The following FAM151B variants were observed in gnomAD, a reference collection of about 807,000 sequenced individuals.
FAM151B encodes family with sequence similarity 151 member B.
Under a neutral mutation model 31.2 loss-of-function variants are expected in FAM151B, and 24 were observed. That is an observed-to-expected ratio of 0.77 (90% confidence interval 0.56 to 1.08). The LOEUF is 1.08. Among genes scored for constraint, FAM151B ranks in the 50% least tolerant of loss-of-function variants. The pLI is 0.00. For missense variants in FAM151B, 293 were observed against 328.6 expected (o/e 0.89, Z 0.84); for synonymous variants, 105 against 111.4 (o/e 0.94, Z 0.36).
intron 5 of FAM151B, among the ~76,000 whole-genome samples, chr5:80,523,493 G>A (rs537184507): frequency 6.6e-5 from 10 of 152,186 alleles, no homozygotes; most frequent in East Asian, 1.9e-4. Flanking sequence ...ACTAATAGAC[G>A]TTCACATAAG....
At chr5:80,538,448 C>CTTTCTCTCTCTCTCTTTCTT (rs1235874356) in intron 5 of FAM151B, among the ~76,000 whole-genome samples, 1 of 49,362 alleles carries the variant, frequency 2.0e-5, no homozygotes, top group Non-Finnish European at 3.7e-5. Context: ...TTCTTTCTTT[C>CTTTCTCTCTCTCTCTTTCTT]TCTTTCTTTC....
Position 80,541,915 on chromosome 5 carries a change from T to G in FAM151B, c.*83T>G. ...TCTGAATTAATTACCATATAAATTA[T>G]GGTTATTGATTGACGTTCCAAGTCA... On this transcript the variant is annotated 3_prime_UTR_variant, in exon 6 of 6. Coordinates refer to ENST00000282226, the MANE Select transcript of FAM151B (RefSeq NM_205548.3). 7.1e-7 allele frequency: 1 copy of G among 1,402,144 alleles called. No individual in the cohort carries two copies. The highest frequency in any genetic ancestry group is 2.4e-5 in the East Asian group (1 of 41,088). 86.9% of individuals were successfully genotyped at this position (1,402,144 alleles called of 1,614,324 possible). A position where few individuals can be genotyped will look rare whatever the true frequency, so the allele number is the denominator to read the frequency against.
chr5:80,525,419 A>G (rs1173122268), intron 5 of FAM151B, among the ~76,000 whole-genome samples: 1 of 152,138 alleles, frequency 6.6e-6, no homozygotes, highest in African/African-American at 2.4e-5. Context: ...CTGCAGTAAC[A>G]CCCTTGAACC....
chr5:80,540,231 T>C (rs1371213096), intron 5 of FAM151B, among the ~76,000 whole-genome samples: 1 of 152,234 alleles, frequency 6.6e-6, no homozygotes, highest in African/African-American at 2.4e-5. Flanking sequence ...ATAGTTCCTG[T>C]TTCCTTCTCT....
chr5:80,538,357 G>A (rs986112431), intron 5 of FAM151B, among the ~76,000 whole-genome samples: 8 of 149,866 alleles, frequency 5.3e-5, no homozygotes, highest in Non-Finnish European at 7.4e-5. Flanking sequence ...ATGAGCCACC[G>A]CACCCAGCCT....
At chr5:80,490,451 A>G (rs1185228023) in intron 1 of FAM151B, among the ~76,000 whole-genome samples, 1 of 152,236 alleles carries the variant, frequency 6.6e-6, no homozygotes, top group African/African-American at 2.4e-5. Flanking sequence ...TTATTTAAAG[A>G]GTATAATTCA....
At chr5:80,511,597 A>G (rs1347992405) in intron 2 of FAM151B, among the ~76,000 whole-genome samples, 2 of 151,478 alleles carry the variant, frequency 1.3e-5, no homozygotes, top group Non-Finnish European at 2.9e-5. Flanking sequence ...CTATTTTATT[A>G]TTTATCTTTA....
intron 5 of FAM151B, 134 bp downstream of exon 5, chr5:80,522,272 T>A: frequency 1.1e-6 from 1 of 895,830 alleles, no homozygotes; most frequent in Non-Finnish European, 1.6e-6. Context: ...ACTGATGATA[T>A]AAGCGCACAG....
chr5:80,488,980 C>T (rs1743213884), intron 1 of FAM151B, among the ~76,000 whole-genome samples: 1 of 152,070 alleles, frequency 6.6e-6, no homozygotes. Flanking sequence ...CCACTACTAA[C>T]TTTTTGGTAT....
chr5:80,522,004 G>T lies in FAM151B; in HGVS notation c.537G>T (p.Gly179=). ...TAAATTTTTTTCTTTTCTTTTAAGG[G>T]TACAGTTGGACAATGGTGAAAGAGA... ...TGWHPEKVNE[G]YSWTMVKEME... Residue 179 remains glycine (G), a splice_region_variant and synonymous_variant, in exon 5 of 6, where the codon GGG becomes GGT. Transcript: ENST00000282226. The T allele has an allele frequency of 1.9e-6, 3 of 1,565,360 alleles. No homozygotes were observed. The highest frequency in any genetic ancestry group is 1.3e-5 in the African/African-American group (1 of 74,418).
intron 5 of FAM151B, among the ~76,000 whole-genome samples, chr5:80,538,279 G>C (rs1182535879): frequency 6.6e-6 from 1 of 151,958 alleles, no homozygotes; most frequent in Admixed American, 6.6e-5. Flanking sequence ...ATGTTGGCCA[G>C]GATGATCTCT....
chr5:80,488,575 C>T (rs1237616058), intron 1 of FAM151B, among the ~76,000 whole-genome samples: 1 of 152,252 alleles, frequency 6.6e-6, no homozygotes, highest in Non-Finnish European at 1.5e-5. Context: ...AGCGCGCTGC[C>T]TGGAAAGCTG....
chr5:80,539,907 A>G (rs1025488881), intron 5 of FAM151B, among the ~76,000 whole-genome samples: 3 of 151,830 alleles, frequency 2.0e-5, no homozygotes, highest in African/African-American at 7.3e-5. Context: ...AGATTCCCCA[A>G]TTGTTTCCTG....
At chr5:80,500,542 G>A in intron 1 of FAM151B, 2 of 756,012 alleles carry the variant, frequency 2.6e-6, no homozygotes, top group Non-Finnish European at 4.8e-6. Context: ...AATTTTGAAT[G>A]GCAAGGATGG....
chr5:80,524,433 T>C (rs1165963799), intron 5 of FAM151B, among the ~76,000 whole-genome samples: 2 of 152,138 alleles, frequency 1.3e-5, no homozygotes, highest in Non-Finnish European at 2.9e-5. Flanking sequence ...TCTAGACTTA[T>C]TATCTTGTGT....
In FAM151B at chr5:80,541,930, G is replaced by A. The variant is rs1445523225; in HGVS notation, c.*98G>A. 2.2e-5 allele frequency: 28 copies of A among 1,291,934 alleles called. 1 individual carries two copies. The highest frequency in any genetic ancestry group is 2.7e-5 in the Admixed American group (1 of 36,880). The allele number at this position is 1,291,934 out of a possible 1,614,324, so 80.0% of individuals were successfully genotyped here. On this transcript the variant is annotated 3_prime_UTR_variant, in exon 6 of 6. Coordinates refer to ENST00000282226, the MANE Select transcript of FAM151B (RefSeq NM_205548.3). ...ATATAAATTATGGTTATTGATTGAC[G>A]TTCCAAGTCATCTAATCAAGAAACG...
rs943561846 is a variant in FAM151B, at chr5:80,538,507, T to C, written c.672-3166T>C. 5.7e-3 allele frequency among the ~76,000 whole-genome samples: 606 copies of C among 105,846 alleles called. 26 individuals are homozygous for C. The highest frequency in any genetic ancestry group is 9.7e-3 in the Middle Eastern group (2 of 206). 69.4% of individuals were successfully genotyped at this position (105,846 alleles called of 152,430 possible). A position where few individuals can be genotyped will look rare whatever the true frequency, so the allele number is the denominator to read the frequency against. ...CTTTCCTTCCTTCCTTCCTTTCTTT[T>C]CTTTCTTTCCTTCCTTCCTTCCTTC... On this transcript the variant is annotated intron_variant, in intron 5 of 5. Coordinates refer to ENST00000282226, the MANE Select transcript of FAM151B (RefSeq NM_205548.3).
chr5:80,499,668 T>G (rs74441502), intron 1 of FAM151B, among the ~76,000 whole-genome samples: 1,564 of 151,956 alleles, frequency 0.01, 27 homozygotes, highest in African/African-American at 0.034. Flanking sequence ...CCTGCATTCT[T>G]ATGCTTCTGA....
At chr5:80,497,399 A>G (rs146545885) in intron 1 of FAM151B, among the ~76,000 whole-genome samples, 20 of 150,332 alleles carry the variant, frequency 1.3e-4, no homozygotes, top group African/African-American at 4.1e-4. Flanking sequence ...TGAGTGACAG[A>G]GCAAGACTCC....
Sources: allele counts gnomAD v4.1 joint callset (sites outside exome capture counted in the v4.1 genomes callset), GRCh38; gene constraint gnomAD v4.1.1; transcripts MANE v1.5; gene names NCBI Gene and HGNC (gene_info 2026-07-23, HGNC 2026-07-21).